The following NCOA3 variants were observed in gnomAD, a reference collection of about 807,000 sequenced individuals.
NCOA3 encodes nuclear receptor coactivator 3, also known as CBP-interacting protein.
A neutral mutation model predicts 158.8 loss-of-function variants in NCOA3; 51 were observed. The observed-to-expected ratio is 0.32, with a 90% CI of 0.26 to 0.41. The LOEUF is 0.41. NCOA3 is among the 10% of genes least tolerant of loss of function. The probability of loss-of-function intolerance (pLI) is 1.00; values close to 1 mark genes in which losing one functional copy is unlikely to be tolerated. For missense variants in NCOA3, 1,510 were observed against 1,746.6 expected, an observed-to-expected ratio of 0.86 and a Z score of 2.41; for synonymous variants, 537 against 592.4, an observed-to-expected ratio of 0.91 and a Z score of 1.36.
chr20:47,620,645 A>T (rs2086224776), intron 2 of NCOA3, among the ~76,000 whole-genome samples: 1 of 152,154 alleles, frequency 6.6e-6, no homozygotes, highest in Non-Finnish European at 1.5e-5. Context: ...TAACCATCTG[A>T]GGATAATTTG....
In NCOA3 at chr20:47,637,800, T is replaced by G. The variant is rs878873181; in HGVS notation, c.2512+17T>G. The G allele has an allele frequency of 2.7e-6, 1 of 374,832 alleles. No homozygotes were observed. 23.2% of individuals were successfully genotyped at this position (374,832 alleles called of 1,614,324 possible). ...ATTCTCTGGGTAAGAATGAACTAGG[T>G]TTTTTTTTTTTTTGCTGCCTTTGAA... On this transcript the variant is annotated intron_variant, in intron 13 of 22. Transcript: ENST00000371998.
chr20:47,642,167 G>GAA (rs11480806), intron 16 of NCOA3, 46 bp from the exon 17 acceptor site: 332 of 1,111,650 alleles, frequency 3.0e-4, no homozygotes, highest in African/African-American at 2.6e-3. Flanking sequence ...ATTACTCTTA[G>GAA]AAAAAAAAAA....
chr20:47,556,825 C>G (rs1170576024), intron 1 of NCOA3, among the ~76,000 whole-genome samples: 1 of 152,168 alleles, frequency 6.6e-6, no homozygotes, highest in East Asian at 1.9e-4. Context: ...TTTATTAAAA[C>G]ATTGTTTTTA....
At position 47,639,749 on chromosome 20, in the gene NCOA3, A is replaced by G. The variant is rs2076546; in HGVS notation, c.2880A>G (p.Thr960=). 145,004 of 1,614,030 alleles carry G rather than the reference A, an allele frequency of 0.09. 7,859 individuals are homozygous for G. Among genetic ancestry groups the G allele is most frequent in the African/African-American group, 0.24 (18,105 of 74,950 alleles). ...PRPALGGSIP[T]LPLRSNSIPG... ...CTGCACTGGGTGGCTCTATTCCCAC[A>G]TTGCCTCTTCGGTCTAATAGCATAC... The change falls in exon 15 of 23, where the codon ACA becomes ACG. Residue 960 remains threonine, a synonymous_variant. Coordinates refer to ENST00000371998, the MANE Select transcript of NCOA3 (RefSeq NM_181659.3).
At position 47,522,142 on chromosome 20, in the gene NCOA3, T is replaced by TATCG. The variant is rs1419986090; in HGVS notation, c.-99+20123_-99+20124insATCG. ...TTTTTTGAGACGGAGTCTTGCTGTC[T>TATCG]CCTAGGCTGGAGTGCAGTGGAGCGA... On this transcript the variant is annotated intron_variant, in intron 1 of 22. Coordinates refer to ENST00000371998, the MANE Select transcript of NCOA3 (RefSeq NM_181659.3). Among the ~76,000 whole-genome samples the TATCG allele has an allele frequency of 2.8e-4, 39 of 136,926 alleles. 1 individual carries two copies. The East Asian group carries it at 7.7e-3, about 27-fold the overall frequency. 89.8% of individuals were successfully genotyped at this position (136,926 alleles called of 152,430 possible).
intron 1 of NCOA3, among the ~76,000 whole-genome samples, chr20:47,558,829 T>C (rs1266699131): frequency 1.8e-5 from 2 of 113,638 alleles, no homozygotes; most frequent in African/African-American, 9.0e-5. Flanking sequence ...ACTTTTTTTT[T>C]TTTTTTTTTT....
intron 1 of NCOA3, 55 bp downstream of exon 1, chr20:47,502,074 G>A: frequency 2.5e-6 from 1 of 399,460 alleles, no homozygotes; most frequent in Non-Finnish European, 4.4e-6. Context: ...AGTGCGAGGC[G>A]GAGGGAAGAG....
chr20:47,510,449 T>TAAAAAAAAAAA (rs2084102399), intron 1 of NCOA3, among the ~76,000 whole-genome samples: 1 of 34,294 alleles, frequency 2.9e-5, no homozygotes, highest in African/African-American at 7.1e-5. Flanking sequence ...AAAAAAAAAG[T>TAAAAAAAAAAA]ACACGATCAT....
At position 47,613,326 on chromosome 20, in the gene NCOA3, G is replaced by A. The variant is rs1054464651; in HGVS notation, c.-19-8903G>A. ...GCTTTGCTATTCATTGTGTTCAAAC[G>A]ATTCCTTCTTTTTTTTTTTTTTTAA... On this transcript the variant is annotated intron_variant, in intron 2 of 22. Transcript: ENST00000371998. Among the ~76,000 whole-genome samples the A allele has an allele frequency of 3.3e-4, 49 of 147,670 alleles. 1 individual carries two copies. Among genetic ancestry groups the A allele is most frequent in the Middle Eastern group, 3.6e-3 (1 of 274 alleles).
At chr20:47,569,809 GAC>G (rs2085262160) in intron 1 of NCOA3, among the ~76,000 whole-genome samples, 1 of 152,088 alleles carries the variant, frequency 6.6e-6, no homozygotes, top group Admixed American at 6.6e-5. Flanking sequence ...AGGAGATCAA[GAC>G]CATCCTGGCT....
At chr20:47,610,515 T>C (rs1258380367) in intron 2 of NCOA3, among the ~76,000 whole-genome samples, 2 of 152,172 alleles carry the variant, frequency 1.3e-5, no homozygotes, top group African/African-American at 4.8e-5. Context: ...CTACTGAAAC[T>C]GGCCCGGAAA....
chr20:47,561,000 CT>C (rs2085094725), intron 1 of NCOA3, among the ~76,000 whole-genome samples: 1 of 114,956 alleles, frequency 8.7e-6, no homozygotes, highest in South Asian at 2.8e-4. Context: ...GAGATAGGGT[CT>C]CTGTCACCCG....
In NCOA3 at chr20:47,634,091, G is replaced by T. The variant is rs538003777; in HGVS notation, c.1008G>T (p.Ser336=). The T allele has an allele frequency of 6.2e-7, 1 of 1,614,020 alleles. No homozygotes were observed. The highest frequency in any genetic ancestry group is 8.5e-7 in the Non-Finnish European group (1 of 1,179,994). ...GHAETPVYRF[S]LADGTIVTAQ... ...CAGAAACCCCAGTATATCGATTCTC[G>T]TTGGCTGATGGAACTATAGTGACTG... is the stretch of plus-strand genomic sequence containing the variant. The change falls in exon 10 of 23, where the codon TCG becomes TCT. Residue 336 remains serine, a synonymous_variant. Transcript: ENST00000371998.
In NCOA3 at chr20:47,647,149, T is replaced by TATATGG; in HGVS notation, c.3331_3336dup (p.Tyr1111_Gly1112dup). Reference sequence around the variant, plus strand: ...GTAATGATGGATCAGAAGGCAGGATTATATGGACAGACATACCCAGCACAG... The same window carrying TATATGG: ...GTAATGATGGATCAGAAGGCAGGATTATATGGATATGGACAGACATACCCAGCACAG... On this transcript the variant is annotated inframe_insertion, in exon 18 of 23. Coordinates refer to ENST00000371998, the MANE Select transcript of NCOA3 (RefSeq NM_181659.3). The TATATGG allele has an allele frequency of 6.2e-7, 1 of 1,614,150 alleles. No individual in the cohort carries two copies. Among genetic ancestry groups the TATATGG allele is most frequent in the Admixed American group, 1.7e-5 (1 of 60,030 alleles).
intron 2 of NCOA3, among the ~76,000 whole-genome samples, chr20:47,612,733 A>G (rs1308356031): frequency 6.6e-6 from 1 of 152,230 alleles, no homozygotes; most frequent in Admixed American, 6.5e-5. Context: ...ATTAAATTGT[A>G]GAAGTCAATG....
chr20:47,622,715 A>G (rs1397968647), intron 3 of NCOA3, among the ~76,000 whole-genome samples: 2 of 152,194 alleles, frequency 1.3e-5, no homozygotes, highest in Non-Finnish European at 2.9e-5. Context: ...AGAGTCAGCA[A>G]AGGGTGGTGG....
At chr20:47,649,217 A>T in intron 19 of NCOA3, 108 bp downstream of exon 19, 1 of 565,406 alleles carries the variant, frequency 1.8e-6, no homozygotes, top group Non-Finnish European at 2.9e-6. Context: ...GTAATTCTGA[A>T]TTTCTTGTGT....
At chr20:47,554,937 A>C (rs1017952141) in intron 1 of NCOA3, among the ~76,000 whole-genome samples, 1 of 152,174 alleles carries the variant, frequency 6.6e-6, no homozygotes, top group Non-Finnish European at 1.5e-5. Flanking sequence ...TGGAGGCATC[A>C]CGCTACCTGA....
chr20:47,578,118 GA>G (rs989122682), intron 1 of NCOA3, among the ~76,000 whole-genome samples: 5 of 150,868 alleles, frequency 3.3e-5, no homozygotes, highest in South Asian at 2.1e-4. Flanking sequence ...TAAGTAATGG[GA>G]AAAAAAAATT....
Sources: allele counts gnomAD v4.1 joint callset (sites outside exome capture counted in the v4.1 genomes callset), GRCh38; gene constraint gnomAD v4.1.1; transcripts MANE v1.5; gene names NCBI Gene and HGNC (gene_info 2026-07-23, HGNC 2026-07-21).